The following SLC71A2 variants were observed in gnomAD, a reference collection of about 807,000 sequenced individuals.
The protein encoded by SLC71A2 is solute carrier family 71 member 2.
the SLC71A2 span, among the ~76,000 whole-genome samples, chr9:94,424,727 C>CCT: frequency 1.1e-5 from 1 of 91,818 alleles, no homozygotes. Flanking sequence ...TTGTTTTCTG[C>CCT]TTTTTTTTTT....
the SLC71A2 span, among the ~76,000 whole-genome samples, chr9:94,436,763 C>A: frequency 6.6e-6 from 1 of 152,176 alleles, no homozygotes; most frequent in Admixed American, 6.5e-5. Context: ...GGATTGGAAT[C>A]TGTTCCTTTT....
At chr9:94,438,810 A>C in the SLC71A2 span, among the ~76,000 whole-genome samples, 6 of 152,218 alleles carry the variant, frequency 3.9e-5, no homozygotes, top group Non-Finnish European at 7.3e-5. Flanking sequence ...CCATGATGTC[A>C]GGTATGGGAG....
the SLC71A2 span, among the ~76,000 whole-genome samples, chr9:94,406,066 A>ATTTTTTTTTTTTTT: frequency 2.2e-4 from 14 of 63,594 alleles, 1 homozygote; most frequent in African/African-American, 8.3e-4. Context: ...TGCAACTTGA[A>ATTTTTTTTTTTTTT]TTTTTTTTTT....
the SLC71A2 span, chr9:94,458,407 C>A: frequency 6.2e-7 from 1 of 1,613,296 alleles, no homozygotes; most frequent in Non-Finnish European, 8.5e-7. Context: ...TCTACATGTT[C>A]CATGTGGAAC....
the SLC71A2 span, among the ~76,000 whole-genome samples, chr9:94,424,511 A>G: frequency 6.6e-6 from 1 of 152,160 alleles, no homozygotes; most frequent in South Asian, 2.1e-4. Flanking sequence ...CTGGGATTGC[A>G]GGTGTGAGCC....
chr9:94,445,247 T>C, the SLC71A2 span: 1 of 1,316,168 alleles, frequency 7.6e-7, no homozygotes, highest in Non-Finnish European at 1.1e-6. Context: ...AATGAAAGTA[T>C]GTATGTGCAG....
At chr9:94,389,920 T>C in the SLC71A2 span, among the ~76,000 whole-genome samples, 4 of 151,492 alleles carry the variant, frequency 2.6e-5, no homozygotes, top group Admixed American at 2.6e-4. Flanking sequence ...TCTTTTACTC[T>C]TAAAAGTGTC....
At chr9:94,449,112 T>C in the SLC71A2 span, among the ~76,000 whole-genome samples, 9 of 151,280 alleles carry the variant, frequency 5.9e-5, no homozygotes, top group East Asian at 5.8e-4. Flanking sequence ...GGAAGAAAGC[T>C]AAAAAAAAAG....
the SLC71A2 span, among the ~76,000 whole-genome samples, chr9:94,387,296 A>G: frequency 1.3e-5 from 2 of 152,204 alleles, no homozygotes; most frequent in African/African-American, 2.4e-5. Context: ...ACTAGAAATC[A>G]TATTAATATT....
At chr9:94,435,897 C>T in the SLC71A2 span, among the ~76,000 whole-genome samples, 2 of 152,100 alleles carry the variant, frequency 1.3e-5, no homozygotes, top group South Asian at 2.1e-4. Flanking sequence ...GTGATCCGCC[C>T]GCCTCAACCT....
At chr9:94,458,213 T>A in the SLC71A2 span, 1 of 913,924 alleles carries the variant, frequency 1.1e-6, no homozygotes, top group Non-Finnish European at 1.6e-6. Flanking sequence ...TCTCTTTTCC[T>A]CAGTCTTGCC....
chr9:94,441,453 C>T, the SLC71A2 span, among the ~76,000 whole-genome samples: 3 of 152,234 alleles, frequency 2.0e-5, no homozygotes, highest in Admixed American at 2.0e-4. Flanking sequence ...TTACTATTAA[C>T]AACCAAGGAA....
the SLC71A2 span, among the ~76,000 whole-genome samples, chr9:94,406,022 T>G: frequency 6.6e-6 from 1 of 150,940 alleles, no homozygotes; most frequent in East Asian, 1.9e-4. Context: ...TTCGTTACAT[T>G]TATTCCTAAG....
chr9:94,460,830 C>T, the SLC71A2 span: 3 of 152,336 alleles, frequency 2.0e-5, no homozygotes, highest in South Asian at 4.1e-4. Context: ...ACCTGTTCTG[C>T]TATGAACAGA....
the SLC71A2 span, among the ~76,000 whole-genome samples, chr9:94,426,070 T>C: frequency 6.7e-6 from 1 of 149,360 alleles, no homozygotes; most frequent in African/African-American, 2.5e-5. Context: ...AGGGACTGGT[T>C]ATAGGCCCTC....
At chr9:94,385,695 G>A in the SLC71A2 span, among the ~76,000 whole-genome samples, 1 of 152,176 alleles carries the variant, frequency 6.6e-6, no homozygotes, top group Non-Finnish European at 1.5e-5. Flanking sequence ...TTTGCATTCT[G>A]TTCCATTGGT....
the SLC71A2 span, among the ~76,000 whole-genome samples, chr9:94,398,248 C>T: frequency 6.7e-6 from 1 of 149,146 alleles, no homozygotes; most frequent in East Asian, 1.9e-4. Context: ...CACTTATGTT[C>T]CTGGACCAAA....
chr9:94,432,193 C>CA, the SLC71A2 span, among the ~76,000 whole-genome samples: 1,454 of 151,890 alleles, frequency 9.6e-3, 23 homozygotes, highest in African/African-American at 0.033. Context: ...CAGAAAGACA[C>CA]ATTGCATTAA....
the SLC71A2 span, among the ~76,000 whole-genome samples, chr9:94,407,781 A>G: frequency 6.6e-6 from 1 of 152,034 alleles, no homozygotes; most frequent in Non-Finnish European, 1.5e-5. Flanking sequence ...GGTTTCAGTT[A>G]CCCGAAGTGG....
Sources: allele counts gnomAD v4.1 joint callset (sites outside exome capture counted in the v4.1 genomes callset), GRCh38; gene constraint gnomAD v4.1.1; transcripts MANE v1.5; gene names NCBI Gene and HGNC (gene_info 2026-07-23, HGNC 2026-07-21).